Variants in PFAS observed in about 807,000 individuals in gnomAD.
PFAS encodes FGAM synthase.
PFAS carries 97 observed loss-of-function variants against 140.6 expected under a neutral mutation model. The ratio of observed to expected loss-of-function variants is 0.69; its 90% confidence interval spans 0.59 to 0.82. PFAS has a LOEUF of 0.82. Among genes scored for constraint, PFAS ranks in the 40% least tolerant of loss-of-function variants. The pLI is 0.00. For missense variants in PFAS, 1,656 were observed against 1,780.2 expected (o/e 0.93, Z 1.26); for synonymous variants, 679 against 718.8 (o/e 0.94, Z 0.88).
Position 8,262,958 on chromosome 17 carries a change from A to G in PFAS, c.1375A>G (p.Ile459Val), listed in dbSNP as rs1205297137. 37 of 1,613,844 alleles carry G rather than the reference A, an allele frequency of 2.3e-5. No individual in the cohort carries two copies. The highest frequency in any genetic ancestry group is 3.0e-5 in the Non-Finnish European group (35 of 1,179,936). Reference protein sequence around the residue: ...VVKVGGPVYRIGVGGGAASSV... With the variant: ...VVKVGGPVYRVGVGGGAASSV... ...AAAGGTTGGAGGTCCCGTCTACAGG[A>G]TTGGAGTTGGAGGTGGAGCTGCTTC... Residue 459 changes from isoleucine to valine, a missense_variant, in exon 12 of 28, where the codon ATT becomes GTT. By Grantham distance (29) the Ile-to-Val change is conservative. This residue lies in a region of PFAS where 773 missense variants were observed against 757.3 expected (regional missense o/e 1.02). Coordinates refer to ENST00000314666, the MANE Select transcript of PFAS (RefSeq NM_012393.3).
At position 8,263,571 on chromosome 17, in the gene PFAS, C is replaced by T; in HGVS notation, c.1568-4C>T. 6.2e-7 allele frequency: 1 copy of T among 1,613,552 alleles called. No individual in the cohort carries two copies. The highest frequency in any genetic ancestry group is 8.5e-7 in the Non-Finnish European group (1 of 1,179,444). On this transcript the variant is annotated splice_region_variant and splice_polypyrimidine_tract_variant and intron_variant, in intron 13 of 27. Coordinates refer to ENST00000314666, the MANE Select transcript of PFAS (RefSeq NM_012393.3). ...ACTGCTTCTCCTTGCAACCCTCTCA[C>T]CAGGCAATGTCCTAAAAGAGCTGAG...
chr17:8,248,181 A>G, upstream of PFAS: 1 of 667,730 alleles, frequency 1.5e-6, no homozygotes, highest in Non-Finnish European at 2.7e-6. Flanking sequence ...CTCGCTTCCT[A>G]GAGACTCCGC....
Position 8,258,200 on chromosome 17 carries a change from G to A in PFAS, c.1336+1G>A. Reference sequence around the variant, plus strand: ...ATAAGCAAGGAGGCCCCAGAGCCAGGTAAGAGCCTGCCACCTTTCTCTGGA... The same window carrying A: ...ATAAGCAAGGAGGCCCCAGAGCCAGATAAGAGCCTGCCACCTTTCTCTGGA... On this transcript the variant is annotated splice_donor_variant, in intron 11 of 27. Transcript: ENST00000314666. LOFTEE classifies it high-confidence loss of function. 8 of 1,613,814 alleles carry A rather than the reference G, an allele frequency of 5.0e-6. No homozygotes were observed. Among genetic ancestry groups the A allele is most frequent in the Non-Finnish European group, 6.8e-6 (8 of 1,179,992 alleles).
In PFAS at chr17:8,264,490, G is replaced by GC; in HGVS notation, c.1944dup (p.Met649HisfsTer35). ...TGCAGGAGTTCTTCCTGCAGAGGAA[G>GC]CCCCCCATGCTGCAGCCTCTGGCCT... On this transcript the variant is annotated frameshift_variant, in exon 17 of 28. Coordinates refer to ENST00000314666, the MANE Select transcript of PFAS (RefSeq NM_012393.3). LOFTEE classifies it high-confidence loss of function. 6.2e-7 allele frequency: 1 copy of GC among 1,613,720 alleles called. No homozygotes were observed.
upstream of PFAS, among the ~76,000 whole-genome samples, chr17:8,248,410 A>ATTTTTTTT (rs35534210): frequency 0.085 from 5,695 of 67,214 alleles, 635 homozygotes; most frequent in African/African-American, 0.18. Context: ...CGCCCGGCTA[A>ATTTTTTTT]TTTTTTTTTT....
At chr17:8,254,735 C>T (rs1330938126) in intron 3 of PFAS, among the ~76,000 whole-genome samples, 2 of 152,194 alleles carry the variant, frequency 1.3e-5, no homozygotes, top group East Asian at 3.9e-4. Flanking sequence ...ACCCGGGAGG[C>T]AGAGGTTGCA....
rs773363869 is a variant in PFAS at position 8,264,483 on chromosome 17, A to G, written c.1931A>G (p.Gln644Arg). The G allele has an allele frequency of 1.2e-6, 2 of 1,613,718 alleles. No individual in the cohort carries two copies. The highest frequency in any genetic ancestry group is 3.3e-5 in the Admixed American group (2 of 59,992). ...GKMPRKEFFL[Q>R]RKPPMLQPLA... Reference sequence around the variant, plus strand: ...TCTGTGTTGCAGGAGTTCTTCCTGCAGAGGAAGCCCCCCATGCTGCAGCCT... The same window carrying G: ...TCTGTGTTGCAGGAGTTCTTCCTGCGGAGGAAGCCCCCCATGCTGCAGCCT... Residue 644 changes from glutamine (Q) to arginine (R), a missense_variant, in exon 17 of 28, where the codon CAG becomes CGG. Physicochemically the swap from Gln to Arg is conservative, Grantham distance 43. Around this residue, in one of 2 missense-constraint regions of PFAS, gnomAD observed 883 missense variants for 1,023.0 expected, o/e 0.86. Coordinates refer to ENST00000314666, the MANE Select transcript of PFAS (RefSeq NM_012393.3).
chr17:8,248,922 C>G (rs7221547), upstream of PFAS, among the ~76,000 whole-genome samples: 130,734 of 152,058 alleles, frequency 0.86, 56,393 homozygotes, highest in African/African-American at 0.89. Flanking sequence ...GATGGGGTAG[C>G]AGAGCTCAGG....
chr17:8,267,525 C>T lies in PFAS; in HGVS notation c.3268-26C>T, dbSNP rs748578421. ...AGCCTCAGCTGCGTGTCCTCCCACC[C>T]ACACTCCCCCTCCCCACCTTCGCAG... is the stretch of plus-strand genomic sequence containing the variant. On this transcript the variant is annotated intron_variant, in intron 25 of 27. Coordinates refer to ENST00000314666, the MANE Select transcript of PFAS (RefSeq NM_012393.3). The surrounding 1 kb of genome is among the most constrained non-coding windows in gnomAD (Gnocchi z 4.9). 1.3e-6 allele frequency: 2 copies of T among 1,587,036 alleles called. No individual in the cohort carries two copies. The highest frequency in any genetic ancestry group is 4.5e-5 in the East Asian group (2 of 44,740).
chr17:8,256,636 A>G lies in PFAS; in HGVS notation c.934A>G (p.Asn312Asp). ...TGTTGTCTTCACAGCAGAGACTCAC[A>G]ACTTTCCCACAGGTGAGCTGGGTTC... Reference protein sequence around the residue: ...RHVVFTAETHNFPTGVCPFSG... With the variant: ...RHVVFTAETHDFPTGVCPFSG... The change falls in exon 8 of 28, where the codon AAC (asparagine) becomes GAC (aspartate). Residue 312 changes from asparagine (N) to aspartate (D), a missense_variant. Transcript: ENST00000314666. The G allele has an allele frequency of 6.2e-7, 1 of 1,614,116 alleles. No individual in the cohort carries two copies.
At position 8,264,900 on chromosome 17, in the gene PFAS, C is replaced by T. The variant is rs750037801; in HGVS notation, c.2055C>T (p.Asp685=). The T allele has an allele frequency of 2.2e-5, 34 of 1,573,504 alleles. No individual in the cohort carries two copies. In the Admixed American group the frequency reaches 2.7e-4, roughly 13 times the overall value. The change falls in exon 18 of 28, where the codon GAC becomes GAT. Residue 685 remains aspartate, a synonymous_variant. Transcript: ENST00000314666. The part of the protein sequence containing the change: ...ASKRYLTNKV[D]RSVGGLVAQQ... ...AACCCCACCTGGTTCCACAGGTGGA[C>T]CGCTCTGTGGGAGGCCTGGTGGCCC...
intron 1 of PFAS, among the ~76,000 whole-genome samples, chr17:8,252,028 G>T (rs1989174410): frequency 6.6e-6 from 1 of 151,912 alleles, no homozygotes; most frequent in Admixed American, 6.6e-5. Flanking sequence ...GAATGGTGGC[G>T]CACGCCTGTA....
Position 8,269,055 on chromosome 17 carries a change from T to G in PFAS, c.3808T>G (p.Tyr1270Asp). The G allele has an allele frequency of 1.2e-6, 2 of 1,614,028 alleles. No homozygotes were observed. The highest frequency in any genetic ancestry group is 1.7e-6 in the Non-Finnish European group (2 of 1,179,872). Reference sequence around the variant, plus strand: ...TGATGACGGGAACCCCACAGAGCAGTACCCTCTGAATCCCAATGGGTCCCC... The same window carrying G: ...TGATGACGGGAACCCCACAGAGCAGGACCCTCTGAATCCCAATGGGTCCCC... ...ADDDGNPTEQ[Y>D]PLNPNGSPGG... The change falls in exon 28 of 28, where the codon TAC becomes GAC. Residue 1270 changes from tyrosine (Y) to aspartate (D), a missense_variant. Physicochemically the swap from Tyr to Asp is radical, Grantham distance 160. Transcript: ENST00000314666.
chr17:8,268,964 A>AT lies in PFAS; in HGVS notation c.3721dup (p.Ser1241PhefsTer10), dbSNP rs773678131. The AT allele has an allele frequency of 4.3e-6, 7 of 1,614,000 alleles. No individual in the cohort carries two copies. In the Admixed American group the frequency reaches 1.0e-4, roughly 23 times the overall value. On this transcript the variant is annotated frameshift_variant, in exon 28 of 28. Coordinates refer to ENST00000314666, the MANE Select transcript of PFAS (RefSeq NM_012393.3). LOFTEE classifies it high-confidence loss of function. Reference sequence around the variant, plus strand: ...CTCCTTCCATCCCAGGTTACGTAGCATTTTCTTCTCCGGAACTCCAAGCTC... The same window carrying AT: ...CTCCTTCCATCCCAGGTTACGTAGCATTTTTCTTCTCCGGAACTCCAAGCTC...
In PFAS at chr17:8,263,586, A is replaced by T. The variant is rs764631875; in HGVS notation, c.1579A>T (p.Lys527Ter). The T allele has an allele frequency of 1.2e-6, 2 of 1,613,968 alleles. No individual in the cohort carries two copies. Among genetic ancestry groups the T allele is most frequent in the Non-Finnish European group, 8.5e-7 (1 of 1,179,880 alleles). ...AACCCTCTCACCAGGCAATGTCCTAAAAGAGCTGAGTGACCCAGCTGGAGC... is the reference window on the plus strand; with the variant it reads ...AACCCTCTCACCAGGCAATGTCCTATAAGAGCTGAGTGACCCAGCTGGAGC... The part of the protein sequence containing the change: ...QGAGGNGNVL[K>*]ELSDPAGAII... Residue 527 changes from lysine to a stop codon, truncating the protein, a stop_gained, in exon 14 of 28, where the codon AAA (lysine) becomes TAA (stop). Transcript: ENST00000314666. LOFTEE classifies it high-confidence loss of function.
intron 1 of PFAS, among the ~76,000 whole-genome samples, chr17:8,253,041 A>G (rs982083341): frequency 6.6e-6 from 1 of 152,128 alleles, no homozygotes; most frequent in South Asian, 2.1e-4. Context: ...ATACCATAAC[A>G]TTGAGGATTA....
At chr17:8,252,276 A>G (rs865846090) in intron 1 of PFAS, among the ~76,000 whole-genome samples, 17 of 152,050 alleles carry the variant, frequency 1.1e-4, no homozygotes, top group Middle Eastern at 6.8e-3. Flanking sequence ...CCTGGGTGAC[A>G]GAGTGAATCC....
rs2151591308 is a variant in PFAS at position 8,263,856 on chromosome 17, A to G, written c.1711A>G (p.Asn571Asp). The change falls in exon 15 of 28, where the codon AAC becomes GAC. Residue 571 changes from asparagine to aspartate, a missense_variant. By Grantham distance (23) the Asn-to-Asp change is conservative (BLOSUM62 1). This residue lies in a region of PFAS where 773 missense variants were observed against 757.3 expected (regional missense o/e 1.02). Coordinates refer to ENST00000314666, the MANE Select transcript of PFAS (RefSeq NM_012393.3). Reference protein sequence around the residue: ...ESNALLLRSPNRDFLTHVSAR... With the variant: ...ESNALLLRSPDRDFLTHVSAR... ...AAATGCTCTTCTGCTGAGGTCCCCC[A>G]ACCGGGACTTCCTGACTCATGTCAG... 1 of 1,614,148 alleles carries G rather than the reference A, an allele frequency of 6.2e-7. No individual in the cohort carries two copies. The highest frequency in any genetic ancestry group is 8.5e-7 in the Non-Finnish European group (1 of 1,180,006).
chr17:8,255,350 C>A lies in PFAS; in HGVS notation c.385-152C>A. On this transcript the variant is annotated intron_variant, in intron 4 of 27. Coordinates refer to ENST00000314666, the MANE Select transcript of PFAS (RefSeq NM_012393.3). ...TTGTGCATCCTGGCATGGATTCATA[C>A]CTGGAAAGGGCGTCTTTTTGTAATC... 4 of 683,180 alleles carry A rather than the reference C, an allele frequency of 5.9e-6. 1 individual carries two copies. The South Asian group carries it at 8.2e-5, about 14-fold the overall frequency. The allele number at this position is 683,180 out of a possible 1,614,324, so 42.3% of individuals were successfully genotyped here.
Sources: allele counts gnomAD v4.1 joint callset (sites outside exome capture counted in the v4.1 genomes callset), GRCh38; gene constraint gnomAD v4.1.1; regional missense constraint gnomAD v4.1.1; non-coding constraint Gnocchi (gnomAD v3.1); transcripts MANE v1.5; gene names NCBI Gene and HGNC (gene_info 2026-07-23, HGNC 2026-07-21).